Variants in MVB12B observed in about 807,000 individuals in gnomAD.
MVB12B encodes the protein multivesicular body subunit 12B, also known as ESCRT-I complex subunit MVB12B.
MVB12B carries 16 observed loss-of-function variants against 41.6 expected under a neutral mutation model. The observed-to-expected ratio is 0.38, with a 90% CI of 0.26 to 0.58. The LOEUF is 0.58. Ranked by LOEUF, MVB12B falls within the 20% of genes least tolerant of loss-of-function variation. The pLI, the probability that MVB12B is intolerant of heterozygous loss-of-function variation, is 0.62. For synonymous variants in MVB12B, 133 were observed against 139.7 expected (o/e 0.95, Z 0.34); for missense variants, 274 against 380.2 (o/e 0.72, Z 2.32).
chr9:126,406,931 T>C (rs900032532), intron 6 of MVB12B, among the ~76,000 whole-genome samples: 1 of 152,170 alleles, frequency 6.6e-6, no homozygotes, highest in Non-Finnish European at 1.5e-5. Context: ...TAAAGGAGTA[T>C]AGGCTTTGAT....
intron 1 of MVB12B, among the ~76,000 whole-genome samples, chr9:126,328,398 G>A (rs184733405): frequency 1.3e-5 from 2 of 152,198 alleles, no homozygotes; most frequent in African/African-American, 4.8e-5. Flanking sequence ...TAGGTTCAAG[G>A]CATTTTTCTT....
intron 1 of MVB12B, among the ~76,000 whole-genome samples, chr9:126,338,899 G>A (rs1171242423): frequency 3.3e-5 from 5 of 152,144 alleles, no homozygotes; most frequent in Non-Finnish European, 7.3e-5. Context: ...CTGTGTGCAG[G>A]AAGCACTAAG....
At chr9:126,343,870 C>T (rs1182622961) in intron 2 of MVB12B, among the ~76,000 whole-genome samples, 1 of 152,166 alleles carries the variant, frequency 6.6e-6, no homozygotes, top group Admixed American at 6.5e-5. Context: ...TGAGCCGAGA[C>T]TGCGCCACTG....
chr9:126,390,686 C>T (rs1322688160), intron 4 of MVB12B, among the ~76,000 whole-genome samples: 3 of 152,118 alleles, frequency 2.0e-5, no homozygotes, highest in African/African-American at 7.2e-5. Context: ...GGAGGCCAGG[C>T]GCGGTGGCTC....
intron 8 of MVB12B, among the ~76,000 whole-genome samples, chr9:126,483,416 G>A (rs1014814148): frequency 3.9e-5 from 6 of 152,218 alleles, no homozygotes; most frequent in African/African-American, 1.4e-4. Flanking sequence ...TTTCTCAAAT[G>A]ATAATTGATG....
Position 126,420,711 on chromosome 9 carries a change from G to A in MVB12B, c.663-1143G>A, listed in dbSNP as rs956542194. ...CAATTCTCCCGCCTCAGCTTCCCAA[G>A]TAGCTGGGATTAGTAGAGACAGGGT... On this transcript the variant is annotated intron_variant, in intron 6 of 9. Coordinates refer to ENST00000361171, the MANE Select transcript of MVB12B (RefSeq NM_033446.3). Among the ~76,000 whole-genome samples the A allele has an allele frequency of 3.9e-5, 6 of 151,940 alleles. No homozygotes were observed. In the East Asian group the frequency reaches 9.7e-4, roughly 25 times the overall value.
chr9:126,410,738 T>C (rs968951602), intron 6 of MVB12B, among the ~76,000 whole-genome samples: 13 of 152,138 alleles, frequency 8.5e-5, no homozygotes, highest in Non-Finnish European at 1.6e-4. Flanking sequence ...TGAATTACTA[T>C]TTCATTGCTC....
intron 6 of MVB12B, among the ~76,000 whole-genome samples, chr9:126,401,250 C>A (rs996905989): frequency 4.6e-5 from 7 of 152,232 alleles, no homozygotes; most frequent in Non-Finnish European, 5.9e-5. Context: ...ATGCAGCTCC[C>A]AGGAGCCTCT....
chr9:126,349,461 A>C (rs1466365724), intron 2 of MVB12B, among the ~76,000 whole-genome samples: 1 of 152,198 alleles, frequency 6.6e-6, no homozygotes, highest in Non-Finnish European at 1.5e-5. Flanking sequence ...CACCATAAGG[A>C]TCTTTCATGT....
chr9:126,423,119 A>T (rs1477265402), intron 7 of MVB12B, among the ~76,000 whole-genome samples: 1 of 152,242 alleles, frequency 6.6e-6, no homozygotes, highest in Non-Finnish European at 1.5e-5. Flanking sequence ...GAAAAGCTGA[A>T]TATTTCCCCA....
At chr9:126,481,329 C>T (rs760723501) in intron 7 of MVB12B, 40 bp from the exon 8 acceptor site, 7 of 1,559,908 alleles carry the variant, frequency 4.5e-6, no homozygotes, top group Non-Finnish European at 5.3e-6. Flanking sequence ...ATGCCATCTT[C>T]AATACCTTTA....
At chr9:126,409,483 G>C (rs934767676) in intron 6 of MVB12B, among the ~76,000 whole-genome samples, 1 of 151,964 alleles carries the variant, frequency 6.6e-6, no homozygotes, top group Non-Finnish European at 1.5e-5. Context: ...AATTAAATTG[G>C]GGGGGGACAC....
intron 2 of MVB12B, among the ~76,000 whole-genome samples, chr9:126,365,238 T>G (rs1830140680): frequency 7.6e-6 from 1 of 130,722 alleles, no homozygotes; most frequent in East Asian, 2.5e-4. Flanking sequence ...TTTTTTTTTT[T>G]GTATTTTTAA....
intron 7 of MVB12B, among the ~76,000 whole-genome samples, chr9:126,443,847 A>G (rs953048141): frequency 1.3e-5 from 2 of 152,284 alleles, no homozygotes; most frequent in African/African-American, 2.4e-5. Flanking sequence ...CAGGAGTCCC[A>G]TAAGTTCACT....
chr9:126,425,948 A>G (rs773329155), intron 7 of MVB12B, among the ~76,000 whole-genome samples: 3 of 152,270 alleles, frequency 2.0e-5, no homozygotes, highest in Non-Finnish European at 2.9e-5. Flanking sequence ...TTTGTGTGAC[A>G]TGCAAGCCAA....
intron 7 of MVB12B, among the ~76,000 whole-genome samples, chr9:126,461,240 C>T (rs527603954): frequency 4.2e-4 from 64 of 152,374 alleles, no homozygotes; most frequent in Admixed American, 1.1e-3. Flanking sequence ...CCCCCACAAC[C>T]GCCGAAGGCT....
intron 7 of MVB12B, among the ~76,000 whole-genome samples, chr9:126,428,894 T>C (rs1391479382): frequency 6.6e-6 from 1 of 152,180 alleles, no homozygotes; most frequent in Non-Finnish European, 1.5e-5. Context: ...TCAGTGGATA[T>C]GTTCTCGTGG....
intron 9 of MVB12B, among the ~76,000 whole-genome samples, chr9:126,502,839 G>A (rs1436933668): frequency 6.6e-6 from 1 of 152,232 alleles, no homozygotes. Context: ...GGCCATGACA[G>A]TCAGCACGGG....
chr9:126,346,464 G>C (rs1268314114), intron 2 of MVB12B, among the ~76,000 whole-genome samples: 2 of 152,154 alleles, frequency 1.3e-5, no homozygotes, highest in Non-Finnish European at 2.9e-5. Context: ...GCTGGGACAG[G>C]AGCAGAGACA....
Sources: allele counts gnomAD v4.1 joint callset (sites outside exome capture counted in the v4.1 genomes callset), GRCh38; gene constraint gnomAD v4.1.1; transcripts MANE v1.5; gene names NCBI Gene and HGNC (gene_info 2026-07-23, HGNC 2026-07-21).